Variants in CPXM2 observed in about 807,000 individuals in gnomAD.
CPXM2 encodes carboxypeptidase X, M14 family member 2.
A neutral mutation model predicts 86.1 loss-of-function variants in CPXM2; 66 were observed. The ratio of observed to expected loss-of-function variants is 0.77; its 90% CI spans 0.63 to 0.94. The LOEUF is 0.94. Among genes scored for constraint, CPXM2 ranks in the 40% least tolerant of loss-of-function variants. The pLI is 0.00. For missense variants in CPXM2, 948 were observed against 1,026.3 expected (o/e 0.92, Z 1.04); for synonymous variants, 388 against 400.2 (o/e 0.97, Z 0.36).
At chr10:123,938,272 G>A (rs1422788708) in intron 2 of CPXM2, among the ~76,000 whole-genome samples, 1 of 152,164 alleles carries the variant, frequency 6.6e-6, no homozygotes, top group Non-Finnish European at 1.5e-5. Flanking sequence ...TACTGAAGCT[G>A]CAATCTGGGA....
chr10:123,765,465 T>A (rs1353782012), intron 10 of CPXM2, among the ~76,000 whole-genome samples: 1 of 152,246 alleles, frequency 6.6e-6, no homozygotes, highest in African/African-American at 2.4e-5. Context: ...GCCTAGTGGC[T>A]AAGAAAGCTG....
chr10:123,879,003 G>A (rs1945038057), intron 2 of CPXM2, among the ~76,000 whole-genome samples: 1 of 152,198 alleles, frequency 6.6e-6, no homozygotes, highest in Non-Finnish European at 1.5e-5. Flanking sequence ...GCACTGTGCA[G>A]AATGCGCTCT....
intron 3 of CPXM2, among the ~76,000 whole-genome samples, chr10:123,859,628 T>C (rs1848811249): frequency 6.6e-6 from 1 of 152,116 alleles, no homozygotes; most frequent in African/African-American, 2.4e-5. Flanking sequence ...AACTTCACAG[T>C]CTAAGAGCAG....
intron 4 of CPXM2, among the ~76,000 whole-genome samples, chr10:123,833,206 T>C (rs896237523): frequency 2.0e-5 from 3 of 152,124 alleles, no homozygotes; most frequent in Non-Finnish European, 2.9e-5. Flanking sequence ...ATGCATACAA[T>C]GAGAGAAGAA....
chr10:123,848,986 T>C (rs1415213476), intron 3 of CPXM2, among the ~76,000 whole-genome samples: 2 of 152,220 alleles, frequency 1.3e-5, no homozygotes, highest in East Asian at 3.8e-4. Context: ...ATTCCCTTTA[T>C]GTTTAGTATG....
chr10:123,864,459 C>T (rs55984341), intron 2 of CPXM2, among the ~76,000 whole-genome samples: 2,468 of 152,324 alleles, frequency 0.016, 33 homozygotes, highest in South Asian at 0.026. Context: ...GTACTCAATA[C>T]ATACCCACAA....
intron 4 of CPXM2, among the ~76,000 whole-genome samples, chr10:123,812,249 G>A (rs1435652124): frequency 6.6e-6 from 1 of 152,148 alleles, no homozygotes; most frequent in Non-Finnish European, 1.5e-5. Context: ...AGGTTAAATA[G>A]CATTACAAAT....
At chr10:123,796,971 G>A (rs1020013224) in intron 6 of CPXM2, among the ~76,000 whole-genome samples, 2 of 152,250 alleles carry the variant, frequency 1.3e-5, no homozygotes, top group African/African-American at 4.8e-5. Context: ...CTTCTTTGGA[G>A]ATGTGTGGTC....
intron 10 of CPXM2, among the ~76,000 whole-genome samples, chr10:123,762,838 G>A (rs1365490909): frequency 6.6e-6 from 1 of 152,210 alleles, no homozygotes; most frequent in Admixed American, 6.5e-5. Context: ...ATCTCAGTAA[G>A]ATCAAATCGA....
intron 4 of CPXM2, among the ~76,000 whole-genome samples, chr10:123,825,163 G>C (rs1311534027): frequency 6.6e-6 from 1 of 152,290 alleles, no homozygotes; most frequent in Admixed American, 6.5e-5. Flanking sequence ...CTAGTGGCTA[G>C]ATTACATGTA....
chr10:123,762,227 C>G, intron 10 of CPXM2, 58 bp from the exon 11 acceptor site: 1 of 1,610,342 alleles, frequency 6.2e-7, no homozygotes. Context: ...ATCTCCCCAG[C>G]TGTCAAACAG....
intron 2 of CPXM2, among the ~76,000 whole-genome samples, chr10:123,917,996 G>A (rs986879215): frequency 6.6e-6 from 1 of 152,314 alleles, no homozygotes; most frequent in African/African-American, 2.4e-5. Context: ...GTTCAAGACT[G>A]TAGGGCAGGT....
intron 2 of CPXM2, among the ~76,000 whole-genome samples, chr10:123,914,489 G>A (rs1292172437): frequency 6.6e-6 from 1 of 152,128 alleles, no homozygotes; most frequent in Non-Finnish European, 1.5e-5. Flanking sequence ...GTGACTGACA[G>A]CCTCCTTGAC....
At chr10:123,780,281 T>C (rs1846904807) in intron 6 of CPXM2, 26 bp from the exon 7 acceptor site, 3 of 1,389,148 alleles carry the variant, frequency 2.2e-6, no homozygotes, top group Non-Finnish European at 2.1e-6. Context: ...TGATTTTGCA[T>C]TTACTCCCAT....
chr10:123,906,495 A>G (rs980599137), intron 2 of CPXM2, among the ~76,000 whole-genome samples: 17 of 152,228 alleles, frequency 1.1e-4, no homozygotes, highest in Admixed American at 3.3e-4. Flanking sequence ...GCTATAAATC[A>G]TGTCAGCTTC....
At chr10:123,807,101 C>T (rs567374039) in intron 4 of CPXM2, among the ~76,000 whole-genome samples, 11 of 152,242 alleles carry the variant, frequency 7.2e-5, no homozygotes, top group South Asian at 2.1e-4. Flanking sequence ...GTGCCTGGCA[C>T]GTAGTAACTG....
chr10:123,903,723 G>C (rs1448310697), intron 2 of CPXM2, among the ~76,000 whole-genome samples: 1 of 152,272 alleles, frequency 6.6e-6, no homozygotes, highest in African/African-American at 2.4e-5. Flanking sequence ...AATGTGCAGA[G>C]AGCATTCCCC....
intron 3 of CPXM2, among the ~76,000 whole-genome samples, chr10:123,856,660 T>C (rs1052754816): frequency 6.6e-6 from 1 of 151,260 alleles, no homozygotes; most frequent in African/African-American, 2.4e-5. Flanking sequence ...GGCATGATCA[T>C]GGCTCACTGC....
chr10:123,781,609 A>G (rs1197261298), intron 6 of CPXM2, among the ~76,000 whole-genome samples: 1 of 152,018 alleles, frequency 6.6e-6, no homozygotes, highest in Non-Finnish European at 1.5e-5. Context: ...TCCTAGGGCC[A>G]CTCTAGAGGC....
Sources: gnomAD v4.1 joint callset for allele counts (sites outside exome capture counted in the v4.1 genomes callset) on GRCh38, gnomAD v4.1.1 for gene constraint, MANE v1.5 for transcripts, NCBI Gene and HGNC (gene_info 2026-07-23, HGNC 2026-07-21) for gene names.